CNOT6: variants seen among roughly 807,000 people sequenced by gnomAD.
The protein encoded by CNOT6 is CCR4-NOT transcription complex subunit 6.
A neutral mutation model predicts 61.2 loss-of-function variants in CNOT6; 12 were observed. The ratio of observed to expected loss-of-function variants is 0.20; its 90% CI spans 0.13 to 0.32. The LOEUF (loss-of-function observed/expected upper bound fraction) is 0.32. CNOT6 is among the 10% of genes least tolerant of loss of function. The pLI is 1.00. For missense variants in CNOT6, 405 were observed against 663.9 expected, an observed-to-expected ratio of 0.61 and a Z score of 4.28; for synonymous variants, 225 against 240.6, an observed-to-expected ratio of 0.94 and a Z score of 0.60.
intron 2 of CNOT6, among the ~76,000 whole-genome samples, chr5:180,539,295 CAAAA>C (rs70973933): frequency 3.7e-5 from 5 of 136,026 alleles, no homozygotes; most frequent in Non-Finnish European, 5.1e-5. Flanking sequence ...AACAAACAAA[CAAAA>C]AAAAACTGCA....
intron 1 of CNOT6, among the ~76,000 whole-genome samples, chr5:180,513,218 G>GAGTCTT (rs1757479536): frequency 6.6e-6 from 1 of 151,090 alleles, no homozygotes; most frequent in African/African-American, 2.4e-5. Flanking sequence ...TTTTGAGACA[G>GAGTCTT]GATCTCTGTC....
intron 1 of CNOT6, among the ~76,000 whole-genome samples, chr5:180,520,873 C>T (rs13189165): frequency 0.17 from 25,523 of 148,532 alleles, 2,301 homozygotes; most frequent in Non-Finnish European, 0.19. Flanking sequence ...GAGATGGAGT[C>T]TCTTTCTGTC....
intron 10 of CNOT6, among the ~76,000 whole-genome samples, chr5:180,570,461 A>G (rs1760691867): frequency 6.6e-6 from 1 of 152,208 alleles, no homozygotes; most frequent in Non-Finnish European, 1.5e-5. Flanking sequence ...CATCTCATCA[A>G]GTTATCTGGG....
rs1365592754 is a variant in CNOT6 at position 180,567,996 on chromosome 5, A to C, written c.1020A>C (p.Glu340Asp). 1 of 1,606,084 alleles carries C rather than the reference A, an allele frequency of 6.2e-7. No homozygotes were observed. Among genetic ancestry groups the C allele is most frequent in the Non-Finnish European group, 8.5e-7 (1 of 1,174,102 alleles). ...TAGAACTTCGGAAGGAATCGATTGAAATGCCGTGTGAGTGCCCTTCACTTC... is the reference window on the plus strand; with the variant it reads ...TAGAACTTCGGAAGGAATCGATTGACATGCCGTGTGAGTGCCCTTCACTTC... The part of the protein sequence containing the change: ...VLLELRKESI[E>D]MPSGKPHLGT... Residue 340 changes from glutamate to aspartate, a missense_variant, in exon 9 of 12, where the codon GAA becomes GAC. Glu to Asp is a conservative substitution (Grantham distance 45). This residue lies in a region of CNOT6 where 116 missense variants were observed against 184.6 expected (regional missense o/e 0.63). Coordinates refer to ENST00000261951, the MANE Select transcript of CNOT6 (RefSeq NM_001370472.1).
chr5:180,498,406 G>A (rs1414073473), intron 1 of CNOT6, among the ~76,000 whole-genome samples: 2 of 152,212 alleles, frequency 1.3e-5, no homozygotes, highest in African/African-American at 4.8e-5. Flanking sequence ...AATAGAGAAT[G>A]ATTAAACTTG....
chr5:180,529,301 C>G lies in CNOT6; in HGVS notation c.25C>G (p.Pro9Ala). The G allele has an allele frequency of 1.2e-6, 2 of 1,612,936 alleles. No individual in the cohort carries two copies. Among genetic ancestry groups the G allele is most frequent in the Non-Finnish European group, 1.7e-6 (2 of 1,179,202 alleles). The change falls in exon 2 of 12, where the codon CCT (proline) becomes GCT (alanine). Residue 9 changes from proline to alanine, a missense_variant. Physicochemically the swap from Pro to Ala is conservative, Grantham distance 27. Transcript: ENST00000261951. MPKEKYEP[P>A]DPRRMYTIMS... ...CATGCCCAAAGAAAAATACGAGCCC[C>G]CTGACCCTCGGAGGATGTATACAAT...
intron 9 of CNOT6, 91 bp from the exon 10 acceptor site, chr5:180,569,019 T>A (rs1760612058): frequency 1.3e-5 from 12 of 913,504 alleles, no homozygotes; most frequent in Non-Finnish European, 1.8e-5. Flanking sequence ...TCTGGGACTC[T>A]GAGAGATTAT....
intron 3 of CNOT6, among the ~76,000 whole-genome samples, chr5:180,552,955 A>G (rs933079539): frequency 1.3e-5 from 2 of 149,976 alleles, no homozygotes; most frequent in Non-Finnish European, 2.9e-5. Flanking sequence ...AAGAATTCAC[A>G]TGGTAGGCTG....
intron 11 of CNOT6, 59 bp downstream of exon 11, chr5:180,571,491 A>T: frequency 8.3e-7 from 1 of 1,210,076 alleles, no homozygotes; most frequent in Non-Finnish European, 1.2e-6. Context: ...GTGTTCTGAT[A>T]CATCATTATG....
chr5:180,538,686 GTA>G (rs59342527), intron 2 of CNOT6, among the ~76,000 whole-genome samples: 10,868 of 84,626 alleles, frequency 0.13, 626 homozygotes, highest in African/African-American at 0.19. Context: ...TGAGAAAAAG[GTA>G]TATATATATA....
intron 1 of CNOT6, among the ~76,000 whole-genome samples, chr5:180,517,785 G>A (rs888091692): frequency 2.6e-5 from 4 of 151,816 alleles, no homozygotes; most frequent in African/African-American, 7.3e-5. Flanking sequence ...CTCGTGATCC[G>A]CCCGCCTCGG....
chr5:180,543,570 C>T (rs1365810409), intron 2 of CNOT6, among the ~76,000 whole-genome samples: 1 of 152,112 alleles, frequency 6.6e-6, no homozygotes, highest in Non-Finnish European at 1.5e-5. Flanking sequence ...CAATATATGT[C>T]TTAGCATACC....
chr5:180,517,129 T>C (rs1757671301), intron 1 of CNOT6, among the ~76,000 whole-genome samples: 1 of 152,240 alleles, frequency 6.6e-6, no homozygotes, highest in Admixed American at 6.5e-5. Context: ...CTAATGCTTT[T>C]AACCCAGTAT....
At chr5:180,543,936 A>C (rs570266328) in intron 2 of CNOT6, among the ~76,000 whole-genome samples, 12 of 152,002 alleles carry the variant, frequency 7.9e-5, no homozygotes, top group Admixed American at 5.2e-4. Flanking sequence ...TCAGCCTCTC[A>C]AGTAGCTGGG....
rs1758633014 is a variant in CNOT6 at position 180,535,420 on chromosome 5, G to A, written c.112+6032G>A. 2.6e-5 allele frequency among the ~76,000 whole-genome samples: 4 copies of A among 152,284 alleles called. No homozygotes were observed. The South Asian group carries it at 8.3e-4, about 32-fold the overall frequency. On this transcript the variant is annotated intron_variant, in intron 2 of 11. Coordinates refer to ENST00000261951, the MANE Select transcript of CNOT6 (RefSeq NM_001370472.1). Reference sequence around the variant, plus strand: ...TAAGTGAGAACATCGGTATTTGACTGTTTCTGAGTTGTTTTGCTTAGGATA... The same window carrying A: ...TAAGTGAGAACATCGGTATTTGACTATTTCTGAGTTGTTTTGCTTAGGATA...
intron 1 of CNOT6, among the ~76,000 whole-genome samples, chr5:180,509,399 G>C (rs1757281072): frequency 6.6e-6 from 1 of 151,924 alleles, no homozygotes; most frequent in South Asian, 2.1e-4. Context: ...AAAGTGCTGG[G>C]ATTACAGTTG....
At chr5:180,571,552 T>TC (rs1227824626) in intron 11 of CNOT6, 120 bp downstream of exon 11, 17 of 716,226 alleles carry the variant, frequency 2.4e-5, no homozygotes. Flanking sequence ...AGTCTTGAAT[T>TC]CATTGACAGC....
At chr5:180,515,788 C>T (rs903271436) in intron 1 of CNOT6, among the ~76,000 whole-genome samples, 1 of 152,116 alleles carries the variant, frequency 6.6e-6, no homozygotes, top group Non-Finnish European at 1.5e-5. Flanking sequence ...TTCCTTTCCT[C>T]TGTTGCTCTT....
At chr5:180,510,019 T>G (rs1757312540) in intron 1 of CNOT6, among the ~76,000 whole-genome samples, 1 of 151,918 alleles carries the variant, frequency 6.6e-6, no homozygotes, top group Non-Finnish European at 1.5e-5. Context: ...AGTAGTTATC[T>G]TTTGCAGAAG....
Sources: allele counts gnomAD v4.1 joint callset (sites outside exome capture counted in the v4.1 genomes callset), GRCh38; gene constraint gnomAD v4.1.1; regional missense constraint gnomAD v4.1.1; transcripts MANE v1.5; gene names NCBI Gene and HGNC (gene_info 2026-07-23, HGNC 2026-07-21).